Variants in LMF1 observed in about 807,000 individuals in gnomAD.
LMF1 encodes transmembrane protein 112.
In LMF1, 68 loss-of-function variants were observed where a neutral mutation model predicts 60.6. The ratio of observed to expected loss-of-function variants is 1.12; its 90% CI spans 0.92 to 1.37. LMF1 has a LOEUF of 1.37. Ranked by LOEUF, LMF1 falls within the 40% of genes most tolerant of loss-of-function variation. The pLI, the probability that LMF1 is intolerant of heterozygous loss-of-function variation, is 0.00. For missense variants in LMF1, 948 were observed against 767.2 expected (o/e 1.24, Z -2.78); for synonymous variants, 418 against 324.7 (o/e 1.29, Z -3.09).
intron 1 of LMF1, among the ~76,000 whole-genome samples, chr16:955,422 C>T (rs567188339): frequency 1.2e-4 from 13 of 111,572 alleles, no homozygotes; most frequent in East Asian, 2.7e-4. Context: ...GTAAGTGAAC[C>T]AGACACGTTA....
At chr16:923,448 C>T (rs2071500418) in intron 3 of LMF1, among the ~76,000 whole-genome samples, 1 of 152,168 alleles carries the variant, frequency 6.6e-6, no homozygotes, top group Non-Finnish European at 1.5e-5. Context: ...GGTCTCTAAA[C>T]ACCTTCCCCA....
At chr16:890,532 C>G (rs897864200) in intron 5 of LMF1, among the ~76,000 whole-genome samples, 8 of 152,208 alleles carry the variant, frequency 5.3e-5, no homozygotes, top group African/African-American at 1.9e-4. Flanking sequence ...AGCCAAGGCT[C>G]AGCCTGTCCT....
intron 2 of LMF1, among the ~76,000 whole-genome samples, chr16:943,110 G>A (rs1044198294): frequency 1.6e-4 from 24 of 152,114 alleles, no homozygotes; most frequent in Admixed American, 5.9e-4. Context: ...GGTGGCTCAC[G>A]CCTGTAATCC....
intron 1 of LMF1, among the ~76,000 whole-genome samples, chr16:960,470 G>A (rs569913): frequency 6.7e-3 from 771 of 114,750 alleles, no homozygotes; most frequent in African/African-American, 0.011. Context: ...ACGGGATCAC[G>A]ACCCAGACAC....
chr16:870,416 T>C (rs11864832), intron 8 of LMF1, among the ~76,000 whole-genome samples: 21,433 of 152,266 alleles, frequency 0.14, 3,326 homozygotes, highest in African/African-American at 0.39. Context: ...TGGCACTACC[T>C]GGCATTCCCA....
intron 1 of LMF1, chr16:978,902 ACAC>A: frequency 2.3e-6 from 1 of 442,126 alleles, no homozygotes. Context: ...TCCCCAGGGA[ACAC>A]GCTGGCCTCT....
chr16:970,730 G>C (rs993657793), intron 1 of LMF1, 58 bp downstream of exon 1: 8 of 1,444,034 alleles, frequency 5.5e-6, no homozygotes, highest in African/African-American at 2.9e-5. Flanking sequence ...AGGGAGGGCG[G>C]GGGTCGTGGT....
At position 874,917 on chromosome 16, in the gene LMF1, G is replaced by T. The variant is rs2069927198; in HGVS notation, c.898-3576C>A. ...CCATATCATCCCCCAGACACCCTCT[G>T]CCCTGTACGCCTGTGGGGGCAAAAG... is the stretch of plus-strand genomic sequence containing the variant. On this transcript the variant is annotated intron_variant, in intron 6 of 10. Transcript: ENST00000262301. The surrounding 1 kb of genome is among the most constrained non-coding windows in gnomAD (Gnocchi z 4.1). Among the ~76,000 whole-genome samples, 1 of 152,160 alleles carries T rather than the reference G, an allele frequency of 6.6e-6. No individual in the cohort carries two copies. Among genetic ancestry groups the T allele is most frequent in the Middle Eastern group, 3.2e-3 (1 of 316 alleles).
At chr16:963,520 T>C (rs2072859215) in intron 1 of LMF1, among the ~76,000 whole-genome samples, 1 of 152,076 alleles carries the variant, frequency 6.6e-6, no homozygotes, top group African/African-American at 2.4e-5. Context: ...CATGTATGTG[T>C]GCGTGTGCAG....
chr16:974,088 G>T (rs986027544), upstream of LMF1, among the ~76,000 whole-genome samples: 2 of 152,090 alleles, frequency 1.3e-5, no homozygotes, highest in Non-Finnish European at 2.9e-5. Flanking sequence ...CGCCCGGAAG[G>T]CGCTGTCACC....
At chr16:931,395 C>T (rs953606976) in intron 3 of LMF1, among the ~76,000 whole-genome samples, 21 of 152,216 alleles carry the variant, frequency 1.4e-4, no homozygotes, top group Middle Eastern at 3.4e-3. Context: ...CCCCGTGCCC[C>T]GCCCTGAACC....
At chr16:876,546 A>AG (rs35336924) in intron 6 of LMF1, among the ~76,000 whole-genome samples, 3 of 152,126 alleles carry the variant, frequency 2.0e-5, no homozygotes. Context: ...GGAAACTGGG[A>AG]GGGGGGGATA....
At chr16:885,984 T>A (rs894708150) in intron 5 of LMF1, among the ~76,000 whole-genome samples, 1 of 152,178 alleles carries the variant, frequency 6.6e-6, no homozygotes, top group South Asian at 2.1e-4. Flanking sequence ...TTTAAAAGAC[T>A]CAAGGCATAT....
At chr16:946,265 G>C (rs1229913630) in intron 2 of LMF1, among the ~76,000 whole-genome samples, 12 of 152,266 alleles carry the variant, frequency 7.9e-5, no homozygotes. Context: ...ACGAAGGGGA[G>C]GGGACAGCTG....
At chr16:927,862 C>T (rs73499246) in intron 3 of LMF1, among the ~76,000 whole-genome samples, 10,996 of 152,242 alleles carry the variant, frequency 0.072, 455 homozygotes, top group Non-Finnish European at 0.091. Context: ...GAGGTGCTGC[C>T]GCAATGGAAA....
At chr16:866,445 G>GGTAGCTATTACGTAATACCACTCT (rs1567146723) in intron 10 of LMF1, among the ~76,000 whole-genome samples, 2 of 152,218 alleles carry the variant, frequency 1.3e-5, no homozygotes, top group South Asian at 2.1e-4. Context: ...CTGACTTTCT[G>GGTAGCTATTACGTAATACCACTCT]GTAGCTATTA....
At chr16:919,961 C>T (rs1201416071) in intron 3 of LMF1, among the ~76,000 whole-genome samples, 1 of 152,218 alleles carries the variant, frequency 6.6e-6, no homozygotes, top group South Asian at 2.1e-4. Flanking sequence ...CCGGACACCA[C>T]CTCCAGGGCC....
intron 1 of LMF1, among the ~76,000 whole-genome samples, chr16:978,415 T>C (rs2073239972): frequency 1.3e-5 from 2 of 151,560 alleles, no homozygotes; most frequent in Non-Finnish European, 2.9e-5. Flanking sequence ...ACGGGTAGGG[T>C]GGGGTGGTCT....
chr16:857,124 G>T (rs146318325), intron 10 of LMF1, among the ~76,000 whole-genome samples: 1 of 152,366 alleles, frequency 6.6e-6, no homozygotes, highest in East Asian at 1.9e-4. Flanking sequence ...GCTGACCGGC[G>T]TCTGCGGCGT....
Sources: gnomAD v4.1 joint callset for allele counts (sites outside exome capture counted in the v4.1 genomes callset) on GRCh38, gnomAD v4.1.1 for gene constraint, Gnocchi (gnomAD v3.1) non-coding constraint, MANE v1.5 for transcripts, NCBI Gene and HGNC (gene_info 2026-07-23, HGNC 2026-07-21) for gene names.